Variants in GLP1R observed in about 807,000 individuals in gnomAD.
The protein encoded by GLP1R is glucagon like peptide 1 receptor.
In GLP1R, 32 loss-of-function variants were observed where a neutral mutation model predicts 68.4. The observed-to-expected ratio is 0.47, with a 90% confidence interval of 0.35 to 0.63. The LOEUF is 0.63. Among genes scored for constraint, GLP1R ranks in the 20% least tolerant of loss-of-function variants. The probability of loss-of-function intolerance (pLI) is 0.00; values close to 1 mark genes in which losing one functional copy is unlikely to be tolerated. For synonymous variants in GLP1R, 263 were observed against 244.4 expected, an observed-to-expected ratio of 1.08 and a Z score of -0.71; for missense variants, 502 against 594.9, an observed-to-expected ratio of 0.84 and a Z score of 1.62.
intron 4 of GLP1R, 94 bp from the exon 5 acceptor site, chr6:39,066,103 G>T: frequency 1.4e-6 from 1 of 734,554 alleles, no homozygotes; most frequent in East Asian, 2.6e-5. Context: ...TCCTGACTTG[G>T]GGCCCCAGCT....
Position 39,079,349 on chromosome 6 carries a change from C to G in GLP1R, c.1043+149C>G. ...CAGGCCTGGCCTTGGACCCCAAACC[C>G]TTGCTTTTGCCCTGTCTCTGGGCAG... On this transcript the variant is annotated intron_variant, in intron 10 of 12. Coordinates refer to ENST00000373256, the MANE Select transcript of GLP1R (RefSeq NM_002062.5). The surrounding 1 kb of genome is among the most constrained non-coding windows in gnomAD (Gnocchi z 4.5). 1.2e-6 allele frequency: 1 copy of G among 813,756 alleles called. No homozygotes were observed. Among genetic ancestry groups the G allele is most frequent in the Non-Finnish European group, 2.0e-6 (1 of 504,226 alleles). 50.4% of individuals were successfully genotyped at this position (813,756 alleles called of 1,614,324 possible).
chr6:39,088,197 C>G lies in GLP1R; in HGVS notation c.*2124C>G, dbSNP rs1769198360. ...TTTCAGAAGGCTCATCAGACCCCTA[C>G]ACCCAAGTCTTTTAACACGGAGGAA... On this transcript the variant is annotated 3_prime_UTR_variant, in exon 13 of 13. Coordinates refer to ENST00000373256, the MANE Select transcript of GLP1R (RefSeq NM_002062.5). Among the ~76,000 whole-genome samples the G allele has an allele frequency of 6.6e-6, 1 of 152,142 alleles. No homozygotes were observed. Among genetic ancestry groups the G allele is most frequent in the South Asian group, 2.1e-4 (1 of 4,818 alleles).
intron 3 of GLP1R, among the ~76,000 whole-genome samples, chr6:39,064,482 C>T (rs1768444576): frequency 6.6e-6 from 1 of 152,214 alleles, no homozygotes; most frequent in African/African-American, 2.4e-5. Flanking sequence ...TAAAGTTTGT[C>T]CTGGCTGCAG....
Position 39,057,594 on chromosome 6 carries a change from CGA to C in GLP1R, c.283+16_283+17del. 4.3e-6 allele frequency: 6 copies of C among 1,410,404 alleles called. No homozygotes were observed. The highest frequency in any genetic ancestry group is 4.9e-6 in the Non-Finnish European group (5 of 1,026,212). 87.4% of individuals were successfully genotyped at this position (1,410,404 alleles called of 1,614,324 possible). A position where few individuals can be genotyped will look rare whatever the true frequency, so the allele number is the denominator to read the frequency against. On this transcript the variant is annotated intron_variant, in intron 3 of 12. Coordinates refer to ENST00000373256, the MANE Select transcript of GLP1R (RefSeq NM_002062.5). Reference sequence around the variant, plus strand: ...GGCCAGCAGTGGTGAGCCCCCTCCCCGACCTGGTACCTGCCCTGGGCCAGCAG... The same window carrying C: ...GGCCAGCAGTGGTGAGCCCCCTCCCCCCTGGTACCTGCCCTGGGCCAGCAG...
chr6:39,083,174 C>T (rs1178490851), intron 12 of GLP1R, among the ~76,000 whole-genome samples: 1 of 152,234 alleles, frequency 6.6e-6, no homozygotes, highest in African/African-American at 2.4e-5. Context: ...GTGGATCTTC[C>T]AGGCTAGTGC....
At chr6:39,083,101 T>C (rs1469236862) in intron 12 of GLP1R, among the ~76,000 whole-genome samples, 1 of 152,168 alleles carries the variant, frequency 6.6e-6, no homozygotes, top group Admixed American at 6.5e-5. Flanking sequence ...AACTTGATCC[T>C]GAATCACCAG....
rs187344940 is a variant in GLP1R at position 39,059,209 on chromosome 6, C to T, written c.283+1630C>T. On this transcript the variant is annotated intron_variant, in intron 3 of 12. Coordinates refer to ENST00000373256, the MANE Select transcript of GLP1R (RefSeq NM_002062.5). ...TGTTGGAAGCACTTTCCGTGCTACA[C>T]TCTTTTCATCCTCACAACCCTCTGA... Among the ~76,000 whole-genome samples the T allele has an allele frequency of 2.2e-4, 34 of 152,356 alleles. 1 individual carries two copies.
At chr6:39,084,309 A>T (rs1769088905) in intron 12 of GLP1R, among the ~76,000 whole-genome samples, 1 of 152,208 alleles carries the variant, frequency 6.6e-6, no homozygotes, top group African/African-American at 2.4e-5. Context: ...AAATATGGTG[A>T]TTTTCAAGGA....
chr6:39,078,668 A>G (rs1215155509), intron 8 of GLP1R, among the ~76,000 whole-genome samples: 1 of 152,116 alleles, frequency 6.6e-6, no homozygotes, highest in African/African-American at 2.4e-5. Flanking sequence ...GTCATTTTGT[A>G]TATGATGCTG....
intron 5 of GLP1R, among the ~76,000 whole-genome samples, chr6:39,072,060 A>G (rs2150831532): frequency 6.6e-6 from 1 of 152,386 alleles, no homozygotes; most frequent in South Asian, 2.1e-4. Context: ...AAATTTTTTT[A>G]ACGCAGGCAT....
chr6:39,051,537 A>C (rs1768088018), intron 1 of GLP1R, among the ~76,000 whole-genome samples: 1 of 152,184 alleles, frequency 6.6e-6, no homozygotes, highest in South Asian at 2.1e-4. Context: ...GGGCTGGGGC[A>C]GGAGCAACCA....
intron 12 of GLP1R, among the ~76,000 whole-genome samples, chr6:39,084,902 G>A (rs1026111980): frequency 5.3e-5 from 8 of 152,306 alleles, no homozygotes; most frequent in East Asian, 1.9e-4. Context: ...ATCCACAGCC[G>A]CTGGCATCTG....
chr6:39,066,783 C>G (rs1768531298), intron 5 of GLP1R, among the ~76,000 whole-genome samples: 1 of 152,114 alleles, frequency 6.6e-6, no homozygotes, highest in South Asian at 2.1e-4. Flanking sequence ...GAGCTGGGAA[C>G]AGAGTACCAG....
intron 3 of GLP1R, among the ~76,000 whole-genome samples, chr6:39,065,384 A>G (rs975803759): frequency 2.0e-5 from 3 of 152,202 alleles, no homozygotes; most frequent in Non-Finnish European, 4.4e-5. Flanking sequence ...GAACTGAGCT[A>G]AACTCCTGTC....
intron 3 of GLP1R, among the ~76,000 whole-genome samples, chr6:39,063,926 A>C (rs897636936): frequency 7.7e-6 from 1 of 130,240 alleles, no homozygotes; most frequent in Non-Finnish European, 1.6e-5. Context: ...ACAGACACAT[A>C]ACACACACAC....
chr6:39,064,730 G>C (rs998730055), intron 3 of GLP1R, among the ~76,000 whole-genome samples: 1 of 152,226 alleles, frequency 6.6e-6, no homozygotes, highest in African/African-American at 2.4e-5. Context: ...GCATGGTGGG[G>C]GACAGCCTCT....
intron 1 of GLP1R, among the ~76,000 whole-genome samples, chr6:39,054,536 C>T (rs539355806): frequency 9.2e-5 from 14 of 152,192 alleles, no homozygotes; most frequent in Non-Finnish European, 1.9e-4. Flanking sequence ...AGTTTTATGT[C>T]CACAGCTCTG....
intron 12 of GLP1R, among the ~76,000 whole-genome samples, chr6:39,083,749 G>A (rs1360819203): frequency 6.6e-6 from 1 of 152,168 alleles, no homozygotes; most frequent in Non-Finnish European, 1.5e-5. Context: ...CAGGAGGGGT[G>A]TGCTGCACTG....
Position 39,065,806 on chromosome 6 carries a change from G to C in GLP1R, c.379G>C (p.Glu127Gln). ...GCCCTGGAGGGACTTGTCGGAGTGC[G>C]AGGAGTCCAAGCGAGGGGAAAGAGT... ...SLPWRDLSEC[E>Q]ESKRGERSSP... The change falls in exon 4 of 13, where the codon GAG becomes CAG. Residue 127 changes from glutamate to glutamine, a missense_variant. Physicochemically the swap from Glu to Gln is conservative, Grantham distance 29. Coordinates refer to ENST00000373256, the MANE Select transcript of GLP1R (RefSeq NM_002062.5). The C allele has an allele frequency of 6.2e-7, 1 of 1,605,080 alleles. No homozygotes were observed. Among genetic ancestry groups the C allele is most frequent in the Non-Finnish European group, 8.5e-7 (1 of 1,175,102 alleles).
Sources: allele counts gnomAD v4.1 joint callset (sites outside exome capture counted in the v4.1 genomes callset), GRCh38; gene constraint gnomAD v4.1.1; non-coding constraint Gnocchi (gnomAD v3.1); transcripts MANE v1.5; gene names NCBI Gene and HGNC (gene_info 2026-07-23, HGNC 2026-07-21).